SLC38A8: variants seen among roughly 807,000 people sequenced by gnomAD.
SLC38A8 encodes the protein solute carrier family 38 member 8.
Under a neutral mutation model 46.0 loss-of-function variants are expected in SLC38A8, and 65 were observed. The observed-to-expected ratio is 1.41, with a 90% confidence interval of 1.16 to 1.74. SLC38A8 has a LOEUF of 1.74. Among genes scored for constraint, SLC38A8 ranks in the 40% most tolerant of loss-of-function variants. The probability of loss-of-function intolerance (pLI) is 0.00; values close to 1 mark genes in which losing one functional copy is unlikely to be tolerated. For synonymous variants in SLC38A8, 447 were observed against 243.7 expected, an observed-to-expected ratio of 1.83 and a Z score of -7.77; for missense variants, 998 against 567.9, an observed-to-expected ratio of 1.76 and a Z score of -7.70.
intron 2 of SLC38A8, among the ~76,000 whole-genome samples, chr16:84,038,827 G>A (rs1017252500): frequency 3.3e-5 from 5 of 152,114 alleles, no homozygotes; most frequent in East Asian, 1.9e-4. Flanking sequence ...GATCCGTATC[G>A]GGCGCACAGG....
At chr16:84,019,497 T>G (rs2085071113) in intron 7 of SLC38A8, among the ~76,000 whole-genome samples, 1 of 152,348 alleles carries the variant, frequency 6.6e-6, no homozygotes, top group Non-Finnish European at 1.5e-5. Flanking sequence ...CGACAGCTTC[T>G]TAAAGGCCCC....
intron 1 of SLC38A8, 128 bp from the exon 2 acceptor site, chr16:84,042,287 G>A (rs899999243): frequency 2.1e-5 from 21 of 989,658 alleles, no homozygotes; most frequent in Non-Finnish European, 2.6e-5. Flanking sequence ...CTTCCTTGGC[G>A]TCAGCTCCCC....
intron 2 of SLC38A8, among the ~76,000 whole-genome samples, chr16:84,038,373 G>C (rs1209059471): frequency 6.6e-6 from 1 of 151,846 alleles, no homozygotes; most frequent in Admixed American, 6.6e-5. Context: ...CACCCCTGTG[G>C]GCAGCCACCC....
chr16:84,042,108 G>T lies in SLC38A8; in HGVS notation c.50C>A (p.Pro17His). The T allele has an allele frequency of 6.2e-7, 1 of 1,613,944 alleles. No homozygotes were observed. The highest frequency in any genetic ancestry group is 1.3e-5 in the African/African-American group (1 of 75,036). ...GGACAGAGTGGCAGCAGCCGTGGCA[G>T]GGTGAGGCTTTTCTGGAAGGCCCCT... is the stretch of plus-strand genomic sequence containing the variant. The part of the protein sequence containing the change: ...GSRGLPEKPH[P>H]ATAAATLSSM... The change falls in exon 2 of 11, where the codon CCT (proline) becomes CAT (histidine). Residue 17 changes from proline (P) to histidine (H), a missense_variant. Transcript: ENST00000299709.
rs1016946385 is a variant in SLC38A8, at chr16:84,018,420, C to T, written c.806-1133G>A. ...ATTTTTAGTAAAGACAGGGTTTCAC[C>T]GTGTTAGCCAGGATGGTCTCGATCT... On this transcript the variant is annotated intron_variant, in intron 7 of 10. Transcript: ENST00000299709. 5.9e-5 allele frequency among the ~76,000 whole-genome samples: 9 copies of T among 151,964 alleles called. No homozygotes were observed. The South Asian group carries it at 1.0e-3, about 18-fold the overall frequency.
chr16:84,011,015 C>T (rs1184513724), intron 10 of SLC38A8, among the ~76,000 whole-genome samples: 1 of 152,152 alleles, frequency 6.6e-6, no homozygotes, highest in African/African-American at 2.4e-5. Flanking sequence ...AAGATTCCCA[C>T]AAAATGGCAG....
At chr16:84,015,225 G>C (rs994103476) in intron 9 of SLC38A8, among the ~76,000 whole-genome samples, 1 of 152,122 alleles carries the variant, frequency 6.6e-6, no homozygotes, top group Non-Finnish European at 1.5e-5. Context: ...CCCCACTGCG[G>C]ATCTGGAGTC....
At chr16:84,031,468 C>T (rs1368498240) in intron 5 of SLC38A8, among the ~76,000 whole-genome samples, 1 of 152,214 alleles carries the variant, frequency 6.6e-6, no homozygotes, top group Non-Finnish European at 1.5e-5. Context: ...GTACGACATC[C>T]CCGCCCATGC....
rs145879076 is a variant in SLC38A8 at position 84,012,547 on chromosome 16, T to C, written c.1214+454A>G. Among the ~76,000 whole-genome samples, 396 of 152,064 alleles carry C rather than the reference T, an allele frequency of 2.6e-3. 5 individuals carry two copies. Among genetic ancestry groups the C allele is most frequent in the African/African-American group, 9.2e-3 (381 of 41,486 alleles). ...GTAGGATGAAGACATGTGGGTATGG[T>C]GGGGAGGTGAACATGTAAAAGGACC... On this transcript the variant is annotated intron_variant, in intron 10 of 10. Transcript: ENST00000299709.
rs192347735 is a variant in SLC38A8, at chr16:84,037,242, G to A, written c.190-342C>T. Among the ~76,000 whole-genome samples, 25 of 152,350 alleles carry A rather than the reference G, an allele frequency of 1.6e-4. No individual in the cohort carries two copies. In the Middle Eastern group the frequency reaches 0.017, roughly 104 times the overall value. On this transcript the variant is annotated intron_variant, in intron 2 of 10. Transcript: ENST00000299709. Reference sequence around the variant, plus strand: ...CCTAAAATCGCCTGGGCTGTGGGTGGAGAGGCAGTAGGCGTGGTGGCTTGG... The same window carrying A: ...CCTAAAATCGCCTGGGCTGTGGGTGAAGAGGCAGTAGGCGTGGTGGCTTGG...
Position 84,016,747 on chromosome 16 carries a change from C to G in SLC38A8, c.954-20G>C, listed in dbSNP as rs765147902. The G allele has an allele frequency of 1.9e-6, 3 of 1,606,486 alleles. No individual in the cohort carries two copies. The highest frequency in any genetic ancestry group is 8.5e-7 in the Non-Finnish European group (1 of 1,176,228). ...ACTGACCTGGAGGCCACAGCCAACA[C>G]AGACACATGGGCATCTCAGGGGCAC... On this transcript the variant is annotated intron_variant, in intron 8 of 10. Coordinates refer to ENST00000299709, the MANE Select transcript of SLC38A8 (RefSeq NM_001080442.3).
chr16:84,011,185 G>A (rs533619557), intron 10 of SLC38A8, among the ~76,000 whole-genome samples: 1 of 152,358 alleles, frequency 6.6e-6, no homozygotes, highest in South Asian at 2.1e-4. Context: ...CCTGTGGGCT[G>A]TGGCACTCCT....
At chr16:84,039,051 T>C (rs747189318) in intron 2 of SLC38A8, among the ~76,000 whole-genome samples, 50 of 152,152 alleles carry the variant, frequency 3.3e-4, no homozygotes, top group Non-Finnish European at 6.5e-4. Context: ...ATCTTGGATC[T>C]GGTGGGCCCT....
intron 5 of SLC38A8, among the ~76,000 whole-genome samples, chr16:84,030,917 T>C (rs759184744): frequency 1.3e-5 from 2 of 152,142 alleles, no homozygotes; most frequent in African/African-American, 2.4e-5. Context: ...CTATTCCTCA[T>C]TGCCTCCTCT....
chr16:84,024,592 C>G (rs371832627), intron 6 of SLC38A8, among the ~76,000 whole-genome samples: 1 of 151,934 alleles, frequency 6.6e-6, no homozygotes. Flanking sequence ...ACCAGCCTGG[C>G]CAACATGGTG....
intron 6 of SLC38A8, among the ~76,000 whole-genome samples, chr16:84,025,851 C>T (rs917835330): frequency 1.3e-5 from 2 of 152,274 alleles, no homozygotes; most frequent in Non-Finnish European, 2.9e-5. Context: ...AGGCACCGCG[C>T]ACCCCTGCTC....
intron 6 of SLC38A8, among the ~76,000 whole-genome samples, chr16:84,024,783 G>A (rs952029292): frequency 7.9e-5 from 12 of 151,858 alleles, no homozygotes; most frequent in Admixed American, 2.6e-4. Flanking sequence ...TCCGCCTCCC[G>A]GGCTTAAGCG....
chr16:84,013,433 T>TTTGTTG (rs1436489816), intron 9 of SLC38A8, among the ~76,000 whole-genome samples: 2 of 128,468 alleles, frequency 1.6e-5, no homozygotes, highest in African/African-American at 6.2e-5. Context: ...TGTTTTTTTT[T>TTTGTTG]TTTTTTTTTT....
intron 3 of SLC38A8, among the ~76,000 whole-genome samples, chr16:84,034,138 G>A (rs1271444377): frequency 6.6e-6 from 1 of 152,286 alleles, no homozygotes; most frequent in Non-Finnish European, 1.5e-5. Flanking sequence ...TGCAGTCTGG[G>A]AGTCTCTCCA....
Sources: allele counts gnomAD v4.1 joint callset (sites outside exome capture counted in the v4.1 genomes callset), GRCh38; gene constraint gnomAD v4.1.1; transcripts MANE v1.5; gene names NCBI Gene and HGNC (gene_info 2026-07-23, HGNC 2026-07-21).